PLA2G2C: variants seen among roughly 807,000 people sequenced by gnomAD.
The protein encoded by PLA2G2C is phospholipase A2 group IIC, also known as putative inactive group IIC secretory phospholipase A2.
In PLA2G2C, 15 loss-of-function variants were observed where a neutral mutation model predicts 14.3. The observed-to-expected ratio is 1.05, with a 90% CI of 0.70 to 1.62. The LOEUF (loss-of-function observed/expected upper bound fraction) is 1.62. Ranked by LOEUF, PLA2G2C falls within the 40% of genes most tolerant of loss-of-function variation. The pLI, the probability that PLA2G2C is intolerant of heterozygous loss-of-function variation, is 0.00. For missense variants in PLA2G2C, 162 were observed against 173.2 expected, an observed-to-expected ratio of 0.94 and a Z score of 0.36; for synonymous variants, 79 against 67.7, an observed-to-expected ratio of 1.17 and a Z score of -0.82.
chr1:20,164,047 T>C lies in PLA2G2C; in HGVS notation c.394A>G (p.Asn132Asp). The C allele has an allele frequency of 3.7e-6, 6 of 1,613,772 alleles. No homozygotes were observed. The highest frequency in any genetic ancestry group is 1.3e-5 in the African/African-American group (1 of 75,044). Residue 132 changes from asparagine (N) to aspartate (D), a missense_variant, in exon 5 of 5, where the codon AAC becomes GAC. Transcript: ENST00000679259. The part of the protein sequence containing the change: ...FKESLPTYEK[N>D]FKQFSSQPRC... Reference sequence around the variant, plus strand: ...GGCTGGCTGGAGAACTGCTTGAAGTTTTTCTCATAGGTGGGCAGGCTCTCT... The same window carrying C: ...GGCTGGCTGGAGAACTGCTTGAAGTCTTTCTCATAGGTGGGCAGGCTCTCT...
intron 4 of PLA2G2C, among the ~76,000 whole-genome samples, chr1:20,164,733 G>T (rs2017946088): frequency 6.6e-6 from 1 of 152,250 alleles, no homozygotes; most frequent in African/African-American, 2.4e-5. Context: ...CCCTCTGCCT[G>T]TGAGCCCGTG....
At chr1:20,184,205 A>T (rs532532664) in intron 1 of PLA2G2C, 146 of 152,346 alleles carry the variant, frequency 9.6e-4, no homozygotes, top group African/African-American at 3.4e-3. Context: ...ACGCACACAC[A>T]CACACACACA....
chr1:20,172,640 G>T (rs560321816), intron 4 of PLA2G2C, among the ~76,000 whole-genome samples, 154 bp downstream of exon 4: 1 of 152,304 alleles, frequency 6.6e-6, no homozygotes, highest in East Asian at 1.9e-4. Context: ...GACACTCTGA[G>T]AAGCTCTGGA....
chr1:20,170,854 C>A (rs1188396749), intron 4 of PLA2G2C, among the ~76,000 whole-genome samples: 1 of 141,746 alleles, frequency 7.1e-6, no homozygotes, highest in Non-Finnish European at 1.5e-5. Flanking sequence ...ACAGCCCAGG[C>A]CACGTACTTT....
chr1:20,174,989 T>C lies in PLA2G2C; in HGVS notation c.179+18A>G, dbSNP rs746264588. 3 of 1,603,358 alleles carry C rather than the reference T, an allele frequency of 1.9e-6. No individual in the cohort carries two copies. The highest frequency in any genetic ancestry group is 3.4e-5 in the Admixed American group (2 of 58,552). On this transcript the variant is annotated intron_variant, in intron 3 of 4. Coordinates refer to ENST00000679259, the MANE Select transcript of PLA2G2C (RefSeq NM_001367969.2). ...ATGCAAAACAAATGATAAGTGGCCT[T>C]AGAGCCTCTGCACCCACCTGTCAGT... is the stretch of plus-strand genomic sequence containing the variant.
At chr1:20,174,391 C>T (rs1477896350) in intron 3 of PLA2G2C, among the ~76,000 whole-genome samples, 2 of 152,202 alleles carry the variant, frequency 1.3e-5, no homozygotes, top group East Asian at 1.9e-4. Flanking sequence ...CACACTCCCC[C>T]ACCCCCATCC....
At chr1:20,184,197 G>GCACGCACACA (rs1553184789) in intron 1 of PLA2G2C, 1 of 149,618 alleles carries the variant, frequency 6.7e-6, no homozygotes, top group South Asian at 2.1e-4. Flanking sequence ...GTGCGCACAC[G>GCACGCACACA]CACACACACA....
At chr1:20,170,217 A>G (rs1417658609) in intron 4 of PLA2G2C, among the ~76,000 whole-genome samples, 1 of 152,228 alleles carries the variant, frequency 6.6e-6, no homozygotes. Flanking sequence ...TACCCATTTC[A>G]TGGATGGGAA....
At chr1:20,180,710 C>G (rs2018265388) in intron 1 of PLA2G2C, among the ~76,000 whole-genome samples, 1 of 152,228 alleles carries the variant, frequency 6.6e-6, no homozygotes, top group Non-Finnish European at 1.5e-5. Flanking sequence ...TCATTTGGGG[C>G]TGCCTACGAT....
chr1:20,165,946 C>A (rs1156254424), intron 4 of PLA2G2C, among the ~76,000 whole-genome samples: 1 of 152,212 alleles, frequency 6.6e-6, no homozygotes, highest in African/African-American at 2.4e-5. Context: ...CGGTTTATGA[C>A]CTTGGGCAAG....
At chr1:20,171,237 A>G (rs923758298) in intron 4 of PLA2G2C, among the ~76,000 whole-genome samples, 2 of 95,604 alleles carry the variant, frequency 2.1e-5, no homozygotes, top group Non-Finnish European at 4.4e-5. Context: ...TCTCCTGAAC[A>G]TGGCCTTGGA....
intron 3 of PLA2G2C, among the ~76,000 whole-genome samples, chr1:20,174,128 A>G (rs774896358): frequency 2.0e-5 from 3 of 152,134 alleles, no homozygotes; most frequent in Non-Finnish European, 4.4e-5. Context: ...GGCATTTCAT[A>G]AGCGTCAGTT....
In PLA2G2C at chr1:20,180,434, C is replaced by A. The variant is rs551864180; in HGVS notation, c.-76-2995G>T. On this transcript the variant is annotated intron_variant, in intron 1 of 4. Transcript: ENST00000679259. ...GCTCCTGTTTACTCCTCACTACAAC[C>A]CTACCAGGCAGGTTCTATCACATTC... Among the ~76,000 whole-genome samples, 26 of 152,306 alleles carry A rather than the reference C, an allele frequency of 1.7e-4. No homozygotes were observed. In the South Asian group the frequency reaches 5.0e-3, roughly 29 times the overall value.
At chr1:20,179,669 C>CT (rs2018247285) in intron 1 of PLA2G2C, among the ~76,000 whole-genome samples, 1 of 146,908 alleles carries the variant, frequency 6.8e-6, no homozygotes, top group Non-Finnish European at 1.5e-5. Context: ...CAGCTTCTCC[C>CT]TCTATGTCAG....
chr1:20,171,369 G>A (rs1215931432), intron 4 of PLA2G2C, among the ~76,000 whole-genome samples: 1 of 152,230 alleles, frequency 6.6e-6, no homozygotes, highest in African/African-American at 2.4e-5. Flanking sequence ...TGTCAACCAC[G>A]TGCTGGTGGC....
intron 2 of PLA2G2C, among the ~76,000 whole-genome samples, chr1:20,176,433 A>C (rs12137625): frequency 0.016 from 2,487 of 152,332 alleles, 35 homozygotes; most frequent in Non-Finnish European, 0.027. Context: ...TAAAAATACA[A>C]CAAAGACATG....
chr1:20,177,842 G>C (rs2018212728), intron 1 of PLA2G2C, among the ~76,000 whole-genome samples: 1 of 152,092 alleles, frequency 6.6e-6, no homozygotes, highest in Non-Finnish European at 1.5e-5. Flanking sequence ...TTGATACCCA[G>C]GCATCATATT....
chr1:20,171,758 CTTTT>C (rs10710359), intron 4 of PLA2G2C, among the ~76,000 whole-genome samples: 1 of 121,522 alleles, frequency 8.2e-6, no homozygotes, highest in Non-Finnish European at 1.7e-5. Flanking sequence ...GCCACTTCTT[CTTTT>C]TTTTTTTTTT....
chr1:20,167,415 G>C (rs1431176654), intron 4 of PLA2G2C, among the ~76,000 whole-genome samples: 1 of 152,132 alleles, frequency 6.6e-6, no homozygotes, highest in Non-Finnish European at 1.5e-5. Flanking sequence ...AGCCACTCAG[G>C]CCAGGAGCCT....
Sources: gnomAD v4.1 joint callset for allele counts (sites outside exome capture counted in the v4.1 genomes callset) on GRCh38, gnomAD v4.1.1 for gene constraint, MANE v1.5 for transcripts, NCBI Gene and HGNC (gene_info 2026-07-23, HGNC 2026-07-21) for gene names.